PTPRD: variants seen among roughly 807,000 people sequenced by gnomAD.
PTPRD encodes protein tyrosine phosphatase receptor type D.
Under a neutral mutation model 214.5 loss-of-function variants are expected in PTPRD, and 34 were observed. The observed-to-expected ratio is 0.16, with a 90% CI of 0.12 to 0.21. PTPRD has a LOEUF of 0.21. PTPRD is among the 10% of genes least tolerant of loss of function. The pLI is 1.00. For synonymous variants in PTPRD, 1,128 were observed against 845.7 expected (o/e 1.33, Z -5.79); for missense variants, 2,545 against 2,398.7 (o/e 1.06, Z -1.27).
chr9:9,421,906 AT>A (rs2078950797), intron 8 of PTPRD, among the ~76,000 whole-genome samples: 1 of 152,048 alleles, frequency 6.6e-6, no homozygotes, highest in East Asian at 1.9e-4. Context: ...TCTGATCCAG[AT>A]TGATGGAAAA....
chr9:8,406,012 G>T (rs1292465561), intron 35 of PTPRD, among the ~76,000 whole-genome samples: 3 of 152,116 alleles, frequency 2.0e-5, no homozygotes, highest in Non-Finnish European at 4.4e-5. Context: ...ACAGATTCCA[G>T]CCTCTAATTT....
At chr9:9,247,002 G>T (rs1199311107) in intron 9 of PTPRD, among the ~76,000 whole-genome samples, 1 of 151,578 alleles carries the variant, frequency 6.6e-6, no homozygotes, top group Non-Finnish European at 1.5e-5. Context: ...TTTTCCCCGA[G>T]TGACTCATAG....
At chr9:9,680,622 T>C (rs1199570884) in intron 7 of PTPRD, among the ~76,000 whole-genome samples, 2 of 151,812 alleles carry the variant, frequency 1.3e-5, no homozygotes, top group African/African-American at 4.8e-5. Flanking sequence ...TGAGAATAGC[T>C]AACTGGACAC....
At chr9:8,940,281 T>TTTG (rs1491450721) in intron 11 of PTPRD, among the ~76,000 whole-genome samples, 1 of 4,098 alleles carries the variant, frequency 2.4e-4, no homozygotes. Flanking sequence ...CTCTCTCTCC[T>TTTG]TTTTTTTTTT....
chr9:10,271,993 T>C (rs2094449036), intron 3 of PTPRD, among the ~76,000 whole-genome samples: 3 of 151,824 alleles, frequency 2.0e-5, no homozygotes, highest in African/African-American at 4.8e-5. Context: ...CATTCATCCA[T>C]TTAAAATATG....
chr9:10,471,607 C>T (rs1311956608), intron 2 of PTPRD, among the ~76,000 whole-genome samples: 1 of 152,066 alleles, frequency 6.6e-6, no homozygotes, highest in Non-Finnish European at 1.5e-5. Flanking sequence ...CCCACATGAA[C>T]ATCTTAGCAC....
intron 7 of PTPRD, among the ~76,000 whole-genome samples, chr9:9,602,930 G>A (rs952816155): frequency 1.3e-5 from 2 of 151,852 alleles, no homozygotes; most frequent in Non-Finnish European, 2.9e-5. Flanking sequence ...TTATGATCCT[G>A]GATAAAATTA....
At chr9:10,481,860 A>C (rs1469211726) in intron 2 of PTPRD, among the ~76,000 whole-genome samples, 1 of 152,190 alleles carries the variant, frequency 6.6e-6, no homozygotes, top group African/African-American at 2.4e-5. Flanking sequence ...GGTAGAGGAC[A>C]ACCAGCAGAT....
At chr9:9,359,345 G>A (rs2055090823) in intron 9 of PTPRD, among the ~76,000 whole-genome samples, 1 of 151,194 alleles carries the variant, frequency 6.6e-6, no homozygotes, top group Admixed American at 6.6e-5. Flanking sequence ...ACACTTCGGG[G>A]ACTACAAAGA....
At chr9:8,907,083 G>T (rs969354236) in intron 11 of PTPRD, among the ~76,000 whole-genome samples, 37 of 152,050 alleles carry the variant, frequency 2.4e-4, no homozygotes, top group African/African-American at 8.7e-4. Context: ...CATCAGGCAT[G>T]CTAGCAACTG....
intron 10 of PTPRD, among the ~76,000 whole-genome samples, chr9:9,121,627 C>T (rs975106013): frequency 3.3e-5 from 5 of 151,944 alleles, no homozygotes; most frequent in East Asian, 1.9e-4. Context: ...GCTATGAGGA[C>T]GCAGAAGCCT....
Position 10,410,274 on chromosome 9 carries a change from C to T in PTPRD, c.-599-69257G>A, listed in dbSNP as rs914815774. Among the ~76,000 whole-genome samples, 189 of 76,390 alleles carry T rather than the reference C, an allele frequency of 2.5e-3. 1 individual carries two copies. Among genetic ancestry groups the T allele is most frequent in the African/African-American group, 7.1e-3 (178 of 24,926 alleles). 50.1% of individuals were successfully genotyped at this position (76,390 alleles called of 152,430 possible). A position where few individuals can be genotyped will look rare whatever the true frequency, so the allele number is the denominator to read the frequency against. The stretch of plus-strand genomic sequence containing the variant: ...TTGTGTATATATATATATATATACA[C>T]ACACACACACAATATATAATATATA... On this transcript the variant is annotated intron_variant, in intron 2 of 45. Coordinates refer to ENST00000381196, the MANE Select transcript of PTPRD (RefSeq NM_002839.4).
intron 11 of PTPRD, among the ~76,000 whole-genome samples, chr9:8,921,676 T>C (rs536942057): frequency 6.6e-6 from 1 of 152,026 alleles, no homozygotes; most frequent in African/African-American, 2.4e-5. Context: ...GTATTTTTAG[T>C]AGAGACAGGG....
chr9:9,380,686 A>T (rs569611231), intron 9 of PTPRD, among the ~76,000 whole-genome samples: 2 of 152,268 alleles, frequency 1.3e-5, no homozygotes, highest in East Asian at 3.9e-4. Context: ...TATAGATGCC[A>T]ATTATATCCA....
chr9:9,350,362 TA>T (rs1478979344), intron 9 of PTPRD, among the ~76,000 whole-genome samples: 1 of 152,120 alleles, frequency 6.6e-6, no homozygotes, highest in Non-Finnish European at 1.5e-5. Context: ...TTCCTGGCTT[TA>T]TTTTTGGACA....
chr9:8,650,771 A>T (rs1454322058), intron 12 of PTPRD, among the ~76,000 whole-genome samples: 2 of 152,152 alleles, frequency 1.3e-5, no homozygotes, highest in East Asian at 1.9e-4. Context: ...AACATGTTGT[A>T]GGCATTCAAT....
rs10977026 is a variant in PTPRD at position 8,389,121 on chromosome 9, T to G, written c.4386+111A>C. Reference sequence around the variant, plus strand: ...GATGCCCATTCATAATTAGTATCTGTTAGAAAGATAAGCCTTAGGGAAAGG... The same window carrying G: ...GATGCCCATTCATAATTAGTATCTGGTAGAAAGATAAGCCTTAGGGAAAGG... On this transcript the variant is annotated intron_variant, in intron 37 of 45. Transcript: ENST00000381196. 3,067 of 902,864 alleles carry G rather than the reference T, an allele frequency of 3.4e-3. 63 individuals carry two copies. The African/African-American group carries it at 0.047, about 14-fold the overall frequency. 55.9% of individuals were successfully genotyped at this position (902,864 alleles called of 1,614,324 possible).
At chr9:9,254,046 C>G (rs55703305) in intron 9 of PTPRD, among the ~76,000 whole-genome samples, 1 of 152,048 alleles carries the variant, frequency 6.6e-6, no homozygotes, top group Non-Finnish European at 1.5e-5. Context: ...TATAAGGATA[C>G]CTATCATTGG....
chr9:9,263,931 A>G (rs1357846077), intron 9 of PTPRD, among the ~76,000 whole-genome samples: 5 of 151,578 alleles, frequency 3.3e-5, no homozygotes, highest in African/African-American at 1.2e-4. Flanking sequence ...TGAAGAAAAT[A>G]AAGAATAGTT....
Sources: allele counts gnomAD v4.1 joint callset (sites outside exome capture counted in the v4.1 genomes callset), GRCh38; gene constraint gnomAD v4.1.1; transcripts MANE v1.5; gene names NCBI Gene and HGNC (gene_info 2026-07-23, HGNC 2026-07-21).